The following ZNF684 variants were observed in gnomAD, a reference collection of about 807,000 sequenced individuals.
ZNF684 encodes hypothetical protein MGC27466.
A neutral mutation model predicts 12.8 loss-of-function variants in ZNF684; 13 were observed. The ratio of observed to expected loss-of-function variants is 1.02; its 90% CI spans 0.66 to 1.62. The LOEUF (loss-of-function observed/expected upper bound fraction) is 1.62. Among genes scored for constraint, ZNF684 ranks in the 40% most tolerant of loss-of-function variants. ZNF684 has a pLI of 0.00. For synonymous variants in ZNF684, 118 were observed against 151.8 expected, an observed-to-expected ratio of 0.78 and a Z score of 1.64; for missense variants, 384 against 446.9, an observed-to-expected ratio of 0.86 and a Z score of 1.27.
chr1:40,546,911 TA>T lies in ZNF684; in HGVS notation c.589del (p.Ser197AlafsTer66), dbSNP rs758793552. 3.0e-5 allele frequency: 49 copies of T among 1,614,068 alleles called. No individual in the cohort carries two copies. In the African/African-American group the frequency reaches 5.5e-4, roughly 18 times the overall value. On this transcript the variant is annotated frameshift_variant, in exon 5 of 5. Transcript: ENST00000372699. LOFTEE classifies it low-confidence loss of function (END_TRUNC). ...AATGCAATGACTGTGGAAAAGCCTA[TA>T]GCAGGAAGGCACACCTTGCAACTCA... is the stretch of plus-strand genomic sequence containing the variant. ...FECNDCGKAY[S>X]RKAHLATHQK...
At chr1:40,533,288 C>T in intron 2 of ZNF684, 107 bp downstream of exon 2, 2 of 1,173,614 alleles carry the variant, frequency 1.7e-6, no homozygotes, top group Non-Finnish European at 2.4e-6. Flanking sequence ...AAGATCAAGT[C>T]TAAAAGGAAA....
At position 40,541,673 on chromosome 1, in the gene ZNF684, G is replaced by C. The variant is rs992453346; in HGVS notation, c.201G>C (p.Trp67Cys). 1 of 1,613,498 alleles carries C rather than the reference G, an allele frequency of 6.2e-7. No homozygotes were observed. The highest frequency in any genetic ancestry group is 1.3e-5 in the African/African-American group (1 of 74,922). Residue 67 changes from tryptophan (W) to cysteine (C), a missense_variant, in exon 4 of 5, where the codon TGG (tryptophan) becomes TGC (cysteine). Physicochemically the swap from Trp to Cys is radical, Grantham distance 215 (BLOSUM62 -2). Coordinates refer to ENST00000372699, the MANE Select transcript of ZNF684 (RefSeq NM_152373.4). ...AGGTAGAGCAAGGACAAGAGCCATG[G>C]ATGGTGGAGGGAGCGAATCCACACG... Reference protein sequence around the residue: ...ILKVEQGQEPWMVEGANPHES... With the variant: ...ILKVEQGQEPCMVEGANPHES...
chr1:40,535,797 C>T (rs780567487), intron 2 of ZNF684, among the ~76,000 whole-genome samples: 2 of 152,102 alleles, frequency 1.3e-5, no homozygotes, highest in Non-Finnish European at 2.9e-5. Context: ...GGAATAAACC[C>T]TTCCTAGTCC....
In ZNF684 at chr1:40,535,454, A is replaced by G. The variant is rs866305500; in HGVS notation, c.15+2273A>G. On this transcript the variant is annotated intron_variant, in intron 2 of 4. Coordinates refer to ENST00000372699, the MANE Select transcript of ZNF684 (RefSeq NM_152373.4). ...ATATTCATTGCAAAAAAATCTGAGTATAAGTGGAACCAGGCAGTTCAAACC... is the reference window on the plus strand; with the variant it reads ...ATATTCATTGCAAAAAAATCTGAGTGTAAGTGGAACCAGGCAGTTCAAACC... Among the ~76,000 whole-genome samples, 4 of 152,362 alleles carry G rather than the reference A, an allele frequency of 2.6e-5. 1 individual carries two copies. The highest frequency in any genetic ancestry group is 3.4e-3 in the Middle Eastern group (1 of 294).
Position 40,540,489 on chromosome 1 carries a change from A to G in ZNF684, c.16-97A>G, listed in dbSNP as rs911642991. 20 of 1,273,692 alleles carry G rather than the reference A, an allele frequency of 1.6e-5. No homozygotes were observed. The African/African-American group carries it at 2.0e-4, about 13-fold the overall frequency. 78.9% of individuals were successfully genotyped at this position (1,273,692 alleles called of 1,614,324 possible). A position where few individuals can be genotyped will look rare whatever the true frequency, so the allele number is the denominator to read the frequency against. On this transcript the variant is annotated intron_variant, in intron 2 of 4. Coordinates refer to ENST00000372699, the MANE Select transcript of ZNF684 (RefSeq NM_152373.4). ...TTATAACTGATTTTCTACAAACTCA[A>G]CAGTGAACATGATATGATATTAAGG...
intron 2 of ZNF684, among the ~76,000 whole-genome samples, chr1:40,537,585 CA>C (rs541531033): frequency 6.6e-6 from 1 of 151,616 alleles, no homozygotes; most frequent in East Asian, 1.9e-4. Flanking sequence ...ACTAAAAGTA[CA>C]AAAAAAATTA....
At chr1:40,543,735 C>T (rs564162701) in intron 4 of ZNF684, among the ~76,000 whole-genome samples, 4 of 152,244 alleles carry the variant, frequency 2.6e-5, no homozygotes, top group South Asian at 2.1e-4. Flanking sequence ...GGATTACAGG[C>T]GTGAGCCACC....
intron 3 of ZNF684, 137 bp downstream of exon 3, chr1:40,540,849 C>A: frequency 1.1e-6 from 1 of 911,524 alleles, no homozygotes; most frequent in Non-Finnish European, 1.5e-6. Context: ...AGGAGAATTG[C>A]TTGAGCCCAG....
intron 2 of ZNF684, among the ~76,000 whole-genome samples, chr1:40,537,275 T>A (rs1196818164): frequency 6.6e-6 from 1 of 152,160 alleles, no homozygotes; most frequent in Non-Finnish European, 1.5e-5. Context: ...TCTAATAGAG[T>A]GTAAGATCCC....
rs1646053007 is a variant in ZNF684 at position 40,547,052 on chromosome 1, T to C, written c.729T>C (p.Tyr243=). The C allele has an allele frequency of 1.2e-6, 2 of 1,614,240 alleles. No individual in the cohort carries two copies. The highest frequency in any genetic ancestry group is 1.7e-6 in the Non-Finnish European group (2 of 1,180,046). The change falls in exon 5 of 5, where the codon TAT becomes TAC. Residue 243 remains tyrosine, a synonymous_variant. Transcript: ENST00000372699. The part of the protein sequence containing the change: ...HQRLHTGEKP[Y]ECSQCGKTFT... ...GACTTCACACTGGAGAGAAGCCTTATGAGTGCAGTCAATGTGGGAAAACAT... is the reference window on the plus strand; with the variant it reads ...GACTTCACACTGGAGAGAAGCCTTACGAGTGCAGTCAATGTGGGAAAACAT...
Position 40,532,999 on chromosome 1 carries a change from TAGAAATGTCATTCTCCCCCA to T in ZNF684, c.-24-143_-24-124del, listed in dbSNP as rs1645965780. 5 of 605,454 alleles carry T rather than the reference TAGAAATGTCATTCTCCCCCA, an allele frequency of 8.3e-6. No individual in the cohort carries two copies. In the East Asian group the frequency reaches 1.4e-4, roughly 17 times the overall value. The allele number at this position is 605,454 out of a possible 1,614,324, so 37.5% of individuals were successfully genotyped here. ...TGGAACATGGACTTTTCTGTCTTGC[TAGAAATGTCATTCTCCCCCA>T]CTAGGTGGCATTTTCTGAGGCTGCA... On this transcript the variant is annotated intron_variant, in intron 1 of 4. Transcript: ENST00000372699.
intron 4 of ZNF684, among the ~76,000 whole-genome samples, chr1:40,545,334 T>C (rs1322467599): frequency 6.6e-6 from 1 of 152,142 alleles, no homozygotes; most frequent in Non-Finnish European, 1.5e-5. Flanking sequence ...TTTTTTTTGA[T>C]GGGAACAGAT....
chr1:40,547,139 A>G lies in ZNF684; in HGVS notation c.816A>G (p.Glu272=). 3.1e-6 allele frequency: 5 copies of G among 1,614,210 alleles called. No homozygotes were observed. Among genetic ancestry groups the G allele is most frequent in the Non-Finnish European group, 4.2e-6 (5 of 1,180,022 alleles). The change falls in exon 5 of 5, where the codon GAA becomes GAG. Residue 272 remains glutamate, a synonymous_variant. Coordinates refer to ENST00000372699, the MANE Select transcript of ZNF684 (RefSeq NM_152373.4). The stretch of plus-strand genomic sequence containing the variant: ...CTCATACACTTGAGAAGTCATTTGA[A>G]TGTAAGGAATGTGGGAAAACCTTCA... ...VKSHTLEKSF[E]CKECGKTFRY... is the part of the protein sequence containing the mutation.
chr1:40,543,561 A>G (rs1310724957), intron 4 of ZNF684, among the ~76,000 whole-genome samples: 1 of 150,018 alleles, frequency 6.7e-6, no homozygotes, highest in Non-Finnish European at 1.5e-5. Flanking sequence ...GGTTCACGCC[A>G]TTCTCCTGCC....
intron 4 of ZNF684, among the ~76,000 whole-genome samples, chr1:40,542,310 T>A (rs773055229): frequency 6.6e-6 from 1 of 152,218 alleles, no homozygotes; most frequent in Non-Finnish European, 1.5e-5. Flanking sequence ...TATTTTATTT[T>A]CCTTTTGTTT....
At chr1:40,538,335 A>G (rs1049003351) in intron 2 of ZNF684, among the ~76,000 whole-genome samples, 3 of 152,200 alleles carry the variant, frequency 2.0e-5, no homozygotes, top group Admixed American at 1.3e-4. Flanking sequence ...TAGATGTACC[A>G]GTGCTTGATT....
chr1:40,544,864 G>A (rs1362355188), intron 4 of ZNF684: 2 of 152,324 alleles, frequency 1.3e-5, no homozygotes, highest in Non-Finnish European at 1.5e-5. Context: ...CCTCCCTAAA[G>A]AGTATCTAAG....
chr1:40,536,535 T>C (rs1345511962), intron 2 of ZNF684, among the ~76,000 whole-genome samples: 2 of 150,582 alleles, frequency 1.3e-5, no homozygotes, highest in African/African-American at 4.9e-5. Flanking sequence ...TTTTATACTT[T>C]AAGTTTTAGG....
chr1:40,546,441 G>A, intron 4 of ZNF684, 121 bp from the exon 5 acceptor site: 2 of 975,456 alleles, frequency 2.1e-6, no homozygotes, highest in Non-Finnish European at 2.9e-6. Flanking sequence ...CTCAGGAGGA[G>A]TGAGGCAAAT....
Sources: allele counts gnomAD v4.1 joint callset (sites outside exome capture counted in the v4.1 genomes callset), GRCh38; gene constraint gnomAD v4.1.1; transcripts MANE v1.5; gene names NCBI Gene and HGNC (gene_info 2026-07-23, HGNC 2026-07-21).